FCHO2: variants seen among roughly 807,000 people sequenced by gnomAD.
FCHO2 encodes F-BAR domain only protein 2.
Under a neutral mutation model 114.1 loss-of-function variants are expected in FCHO2, and 43 were observed. The ratio of observed to expected loss-of-function variants is 0.38; its 90% CI spans 0.30 to 0.49. The LOEUF (loss-of-function observed/expected upper bound fraction) is 0.49. FCHO2 is among the 20% of genes least tolerant of loss of function. FCHO2 has a pLI of 0.97. For synonymous variants in FCHO2, 293 were observed against 315.2 expected (o/e 0.93, Z 0.75); for missense variants, 807 against 950.4 (o/e 0.85, Z 1.98).
At chr5:73,034,869 C>T (rs1756417502) in intron 9 of FCHO2, among the ~76,000 whole-genome samples, 168 bp downstream of exon 9, 1 of 152,236 alleles carries the variant, frequency 6.6e-6, no homozygotes, top group South Asian at 2.1e-4. Flanking sequence ...CTACTTGCTG[C>T]TTAATAAATA....
chr5:72,977,920 G>A (rs1214417323), intron 2 of FCHO2, among the ~76,000 whole-genome samples: 1 of 152,162 alleles, frequency 6.6e-6, no homozygotes, highest in African/African-American at 2.4e-5. Context: ...TCGAAGATCA[G>A]ATGGTTGTAG....
chr5:73,055,505 C>T (rs1432575347), intron 15 of FCHO2, among the ~76,000 whole-genome samples: 1 of 152,174 alleles, frequency 6.6e-6, no homozygotes, highest in Non-Finnish European at 1.5e-5. Context: ...ATTAATGATG[C>T]TATTCCCCTG....
Position 73,063,862 on chromosome 5 carries a change from C to G in FCHO2, c.1367C>G (p.Ser456Cys). ...CCAGCCAGGCCCACAACTCCTCTTT[C>G]TGTAGGCACCATTGTCCCACCTCCG... is the stretch of plus-strand genomic sequence containing the variant. ...SSSARPTTPL[S>C]VGTIVPPPRP... Residue 456 changes from serine to cysteine, a missense_variant, in exon 18 of 26, where the codon TCT (serine) becomes TGT (cysteine). Physicochemically the swap from Ser to Cys is moderately radical, Grantham distance 112. Coordinates refer to ENST00000430046, the MANE Select transcript of FCHO2 (RefSeq NM_138782.3). The G allele has an allele frequency of 6.2e-7, 1 of 1,611,982 alleles. No homozygotes were observed. The highest frequency in any genetic ancestry group is 8.5e-7 in the Non-Finnish European group (1 of 1,178,816).
chr5:73,058,776 C>G (rs11744931), intron 17 of FCHO2, among the ~76,000 whole-genome samples: 17,896 of 151,934 alleles, frequency 0.12, 1,271 homozygotes, highest in Non-Finnish European at 0.17. Flanking sequence ...ATATCATTAT[C>G]CAAATAATAA....
At chr5:72,987,177 A>C (rs1753571400) in intron 2 of FCHO2, among the ~76,000 whole-genome samples, 1 of 151,772 alleles carries the variant, frequency 6.6e-6, no homozygotes. Flanking sequence ...TGCCCGGCCT[A>C]TTTTAACTAT....
At chr5:73,000,141 A>C (rs915267607) in intron 5 of FCHO2, among the ~76,000 whole-genome samples, 1 of 152,154 alleles carries the variant, frequency 6.6e-6, no homozygotes, top group Non-Finnish European at 1.5e-5. Context: ...AGTAGCTGGG[A>C]CTACAGGCAT....
At chr5:73,016,900 G>A (rs930082691) in intron 7 of FCHO2, among the ~76,000 whole-genome samples, 1 of 151,896 alleles carries the variant, frequency 6.6e-6, no homozygotes, top group African/African-American at 2.4e-5. Context: ...TTTTTTTTAA[G>A]CCAAAAGTAT....
intron 13 of FCHO2, among the ~76,000 whole-genome samples, chr5:73,053,299 G>C (rs1185340837): frequency 6.6e-6 from 1 of 152,148 alleles, no homozygotes; most frequent in Non-Finnish European, 1.5e-5. Context: ...TTTAGTTTCA[G>C]AACTATTTTC....
At chr5:73,040,854 T>G (rs1370213821) in intron 10 of FCHO2, among the ~76,000 whole-genome samples, 2 of 152,220 alleles carry the variant, frequency 1.3e-5, no homozygotes, top group Non-Finnish European at 2.9e-5. Context: ...TACTTAATAC[T>G]GACTTTTTTT....
intron 17 of FCHO2, among the ~76,000 whole-genome samples, chr5:73,061,910 G>C (rs1252905820): frequency 2.0e-5 from 3 of 152,046 alleles, no homozygotes; most frequent in Admixed American, 1.3e-4. Context: ...CAGTGCTGCT[G>C]CTATTTCTTC....
At chr5:73,028,646 CTTTTTTTTTT>C (rs1177312773) in intron 8 of FCHO2, among the ~76,000 whole-genome samples, 1 of 112,148 alleles carries the variant, frequency 8.9e-6, no homozygotes, top group Non-Finnish European at 1.8e-5. Flanking sequence ...TTATATGATT[CTTTTTTTTTT>C]TTTTTTTTTT....
chr5:73,074,750 C>T lies in FCHO2; in HGVS notation c.1588C>T (p.Arg530Trp), dbSNP rs368140227. The change falls in exon 20 of 26, where the codon CGG becomes TGG. Residue 530 changes from arginine (R) to tryptophan (W), a missense_variant. Coordinates refer to ENST00000430046, the MANE Select transcript of FCHO2 (RefSeq NM_138782.3). The part of the protein sequence containing the change: ...AANTPTVGVS[R>W]GPSPVSLGNQ... ...AATTGTGTATATTCTAGGTGTGTCA[C>T]GGGGTCCCAGCCCTGTCAGCCTTGG... 15 of 1,611,796 alleles carry T rather than the reference C, an allele frequency of 9.3e-6. No individual in the cohort carries two copies. The African/African-American group carries it at 1.1e-4, about 11-fold the overall frequency.
At chr5:73,034,436 T>C (rs1437814187) in intron 8 of FCHO2, 2 of 414,910 alleles carry the variant, frequency 4.8e-6, no homozygotes, top group African/African-American at 4.2e-5. Context: ...GTGATCATAA[T>C]GGGCTAGTCT....
chr5:73,054,704 C>T (rs1757501879), intron 15 of FCHO2, among the ~76,000 whole-genome samples, 155 bp downstream of exon 15: 3 of 152,052 alleles, frequency 2.0e-5, no homozygotes, highest in Non-Finnish European at 2.9e-5. Context: ...TAGAAAACAG[C>T]GTATCTATAT....
At position 73,037,232 on chromosome 5, in the gene FCHO2, T is replaced by C. The variant is rs770822587; in HGVS notation, c.914+17T>C. On this transcript the variant is annotated intron_variant, in intron 10 of 25. Transcript: ENST00000430046. ...AGAATCTGTGTAAGTATTTTAAATA[T>C]CGTCAAAATCCTTTTTGTTTTTATA... 7.1e-6 allele frequency: 11 copies of C among 1,544,962 alleles called. No individual in the cohort carries two copies. The highest frequency in any genetic ancestry group is 7.0e-5 in the African/African-American group (5 of 71,898).
chr5:73,021,383 G>T, intron 8 of FCHO2: 1 of 317,658 alleles, frequency 3.1e-6, no homozygotes, highest in Non-Finnish European at 6.1e-6. Flanking sequence ...GGAGAGGGCA[G>T]TCTTAACTTT....
At chr5:73,059,585 T>A (rs1323969759) in intron 17 of FCHO2, among the ~76,000 whole-genome samples, 1 of 152,052 alleles carries the variant, frequency 6.6e-6, no homozygotes, top group African/African-American at 2.4e-5. Flanking sequence ...TTTTTAAAAT[T>A]AGACCGTTTA....
chr5:72,978,494 T>A (rs1753003898), intron 2 of FCHO2, among the ~76,000 whole-genome samples: 1 of 152,218 alleles, frequency 6.6e-6, no homozygotes, highest in Non-Finnish European at 1.5e-5. Flanking sequence ...CTTACCAGCT[T>A]AAGGAGATTT....
chr5:72,982,272 G>A (rs1325116270), intron 2 of FCHO2, among the ~76,000 whole-genome samples: 3 of 152,102 alleles, frequency 2.0e-5, no homozygotes, highest in Admixed American at 6.5e-5. Flanking sequence ...GAGATGAGCC[G>A]GGTACCTCAG....
Sources: gnomAD v4.1 joint callset for allele counts (sites outside exome capture counted in the v4.1 genomes callset) on GRCh38, gnomAD v4.1.1 for gene constraint, MANE v1.5 for transcripts, NCBI Gene and HGNC (gene_info 2026-07-23, HGNC 2026-07-21) for gene names.